Variants in MYO5C observed in about 807,000 individuals in gnomAD.
The protein encoded by MYO5C is myosin VC.
A neutral mutation model predicts 235.7 loss-of-function variants in MYO5C; 194 were observed. That is an observed-to-expected ratio of 0.82 (90% CI 0.73 to 0.93). MYO5C has a LOEUF of 0.93. Among genes scored for constraint, MYO5C ranks in the 40% least tolerant of loss-of-function variants. The pLI is 0.00. For missense variants in MYO5C, 2,038 were observed against 2,127.2 expected (o/e 0.96, Z 0.82); for synonymous variants, 707 against 754.8 (o/e 0.94, Z 1.04).
intron 25 of MYO5C, among the ~76,000 whole-genome samples, chr15:52,226,042 C>T (rs1428026392): frequency 7.0e-6 from 1 of 143,204 alleles, no homozygotes. Context: ...AAGAGCAAAA[C>T]TCCACCTCGA....
rs1477648331 is a variant in MYO5C, at chr15:52,255,401, A to G, written c.1395+1238T>C. 6.6e-5 allele frequency among the ~76,000 whole-genome samples: 10 copies of G among 152,234 alleles called. No individual in the cohort carries two copies. In the East Asian group the frequency reaches 1.9e-3, roughly 29 times the overall value. ...GTATTAAAGTGTGATTTCTATTATGAACTGGAATCACCATTCTTCCCATAA... is the reference window on the plus strand; with the variant it reads ...GTATTAAAGTGTGATTTCTATTATGGACTGGAATCACCATTCTTCCCATAA... On this transcript the variant is annotated intron_variant, in intron 11 of 40. Coordinates refer to ENST00000261839, the MANE Select transcript of MYO5C (RefSeq NM_018728.4).
At position 52,272,606 on chromosome 15, in the gene MYO5C, G is replaced by A; in HGVS notation, c.724C>T (p.Leu242=). The part of the protein sequence containing the change: ...IIGANMSTYL[L]EKSRVVFQSE... ...TGAAAGACAACTCTGGATTTCTCCA[G>A]GAGGTAAGTGCTCATGTTGGCTCCT... Residue 242 remains leucine (L), a synonymous_variant, in exon 6 of 41, where the codon CTG becomes TTG. Transcript: ENST00000261839. 1 of 1,613,434 alleles carries A rather than the reference G, an allele frequency of 6.2e-7. No homozygotes were observed. Among genetic ancestry groups the A allele is most frequent in the South Asian group, 1.1e-5 (1 of 90,744 alleles).
intron 1 of MYO5C, 124 bp from the exon 2 acceptor site, chr15:52,283,016 C>T (rs1385535383): frequency 7.4e-6 from 5 of 676,452 alleles, no homozygotes; most frequent in South Asian, 1.7e-5. Flanking sequence ...AATACGTCTA[C>T]CTAATTTTGC....
chr15:52,196,466 A>G lies in MYO5C; in HGVS notation c.4838T>C (p.Leu1613Ser). 6.2e-7 allele frequency: 1 copy of G among 1,613,616 alleles called. No homozygotes were observed. The highest frequency in any genetic ancestry group is 1.3e-5 in the African/African-American group (1 of 74,978). The change falls in exon 39 of 41, where the codon TTA (leucine) becomes TCA (serine). Residue 1613 changes from leucine (L) to serine (S), a missense_variant. Coordinates refer to ENST00000261839, the MANE Select transcript of MYO5C (RefSeq NM_018728.4). ...GTTCTTATCTTTAAGCCATTCTTCTAAGTAGCTGATATTGCACCTGGAGGG... is the reference window on the plus strand; with the variant it reads ...GTTCTTATCTTTAAGCCATTCTTCTGAGTAGCTGATATTGCACCTGGAGGG... ...GMQIRCNISY[L>S]EEWLKDKNLQ...
rs748229724 is a variant in MYO5C at position 52,195,360 on chromosome 15, A to T, written c.5076+17T>A. ...GTTAGGAAGTAAAATTAAAAGGCAC[A>T]TCCTTAAGAATCTCACCTGTACTTT... On this transcript the variant is annotated intron_variant, in intron 40 of 40. Transcript: ENST00000261839. The T allele has an allele frequency of 1.1e-5, 17 of 1,567,096 alleles. No individual in the cohort carries two copies. Among genetic ancestry groups the T allele is most frequent in the Admixed American group, 1.7e-5 (1 of 57,864 alleles).
intron 36 of MYO5C, among the ~76,000 whole-genome samples, chr15:52,208,085 T>G (rs560287028): frequency 1.3e-5 from 2 of 152,346 alleles, no homozygotes; most frequent in African/African-American, 4.8e-5. Context: ...CACTTTGTTA[T>G]TTTAGTTCAA....
chr15:52,230,019 G>A (rs527993455), intron 24 of MYO5C, among the ~76,000 whole-genome samples: 1 of 152,300 alleles, frequency 6.6e-6, no homozygotes, highest in South Asian at 2.1e-4. Flanking sequence ...CTCGTTCCAA[G>A]GATCCTGCTG....
At chr15:52,270,290 C>T (rs1008263319) in intron 7 of MYO5C, among the ~76,000 whole-genome samples, 30 of 152,096 alleles carry the variant, frequency 2.0e-4, no homozygotes, top group African/African-American at 7.0e-4. Context: ...AAAAACAAAA[C>T]AACAACAAAA....
At chr15:52,205,336 G>A (rs1236955863) in intron 37 of MYO5C, 189 bp from the exon 38 acceptor site, 2 of 632,350 alleles carry the variant, frequency 3.2e-6, no homozygotes, top group Non-Finnish European at 5.3e-6. Flanking sequence ...GGGATGGACG[G>A]CTGTTTCCAG....
chr15:52,225,086 A>G lies in MYO5C; in HGVS notation c.3354T>C (p.Asp1118=), dbSNP rs2035790819. The part of the protein sequence containing the change: ...KQLLESYDIE[D]VRSRLSVEDL... ...GCAAAAATGATTACCTGCTTCTTAC[A>G]TCTTCAATGTCATAGCTTTCGAGAA... The change falls in exon 27 of 41, where the codon GAT becomes GAC. Residue 1118 remains aspartate (D), a synonymous_variant. Transcript: ENST00000261839. 1 of 1,614,122 alleles carries G rather than the reference A, an allele frequency of 6.2e-7. No homozygotes were observed.
At chr15:52,288,044 T>C (rs1014460454) in intron 1 of MYO5C, among the ~76,000 whole-genome samples, 3 of 152,032 alleles carry the variant, frequency 2.0e-5, no homozygotes, top group Non-Finnish European at 4.4e-5. Context: ...GGTGTTCTGA[T>C]GGGAGCTGGA....
At chr15:52,265,640 G>A (rs762301927) in intron 8 of MYO5C, among the ~76,000 whole-genome samples, 6 of 151,768 alleles carry the variant, frequency 4.0e-5, no homozygotes, top group Non-Finnish European at 7.4e-5. Flanking sequence ...CTAGGCTCAA[G>A]TAATCCTCCC....
At chr15:52,235,969 A>G (rs8031089) in intron 22 of MYO5C, among the ~76,000 whole-genome samples, 93,453 of 152,168 alleles carry the variant, frequency 0.61, 34,082 homozygotes, top group Non-Finnish European at 0.81. Flanking sequence ...CAAAGGTGAC[A>G]CTATTCCCGA....
intron 4 of MYO5C, 92 bp from the exon 5 acceptor site, chr15:52,275,810 G>T: frequency 8.0e-7 from 1 of 1,245,350 alleles, no homozygotes; most frequent in South Asian, 1.3e-5. Flanking sequence ...GACAAAAGAG[G>T]GAAACTGTTT....
At chr15:52,240,663 C>T (rs2036198857) in intron 20 of MYO5C, among the ~76,000 whole-genome samples, 2 of 151,970 alleles carry the variant, frequency 1.3e-5, no homozygotes, top group African/African-American at 4.8e-5. Context: ...ACCTGGGAGG[C>T]TGAGGCTGCA....
At chr15:52,199,658 A>T (rs1024748099) in intron 38 of MYO5C, among the ~76,000 whole-genome samples, 1 of 152,130 alleles carries the variant, frequency 6.6e-6, no homozygotes, top group African/African-American at 2.4e-5. Context: ...CTAATGCTCA[A>T]TGCCCTACCT....
rs554155580 is a variant in MYO5C, at chr15:52,286,518, A to G, written c.28-3626T>C. Among the ~76,000 whole-genome samples, 277 of 143,396 alleles carry G rather than the reference A, an allele frequency of 1.9e-3. 2 individuals are homozygous for G. Among genetic ancestry groups the G allele is most frequent in the African/African-American group, 6.6e-3 (259 of 39,428 alleles). The allele number at this position is 143,396 out of a possible 152,430, so 94.1% of individuals were successfully genotyped here. ...TAGAAAGGGGGGAAAGGTGGGGAAA[A>G]GATTGAGAAATCGGATGGTTGCCGT... is the stretch of plus-strand genomic sequence containing the variant. On this transcript the variant is annotated intron_variant, in intron 1 of 40. Transcript: ENST00000261839.
At chr15:52,291,931 G>A (rs1486767830) in intron 1 of MYO5C, among the ~76,000 whole-genome samples, 1 of 151,568 alleles carries the variant, frequency 6.6e-6, no homozygotes, top group Non-Finnish European at 1.5e-5. Flanking sequence ...AGTAGAGACG[G>A]GGTTTCACCG....
intron 1 of MYO5C, among the ~76,000 whole-genome samples, chr15:52,291,730 T>TG (rs2037391763): frequency 1.9e-5 from 2 of 105,074 alleles, no homozygotes; most frequent in African/African-American, 7.0e-5. Context: ...GCATATTTTA[T>TG]GTTTTTTTTT....
Sources: gnomAD v4.1 joint callset for allele counts (sites outside exome capture counted in the v4.1 genomes callset) on GRCh38, gnomAD v4.1.1 for gene constraint, MANE v1.5 for transcripts, NCBI Gene and HGNC (gene_info 2026-07-23, HGNC 2026-07-21) for gene names.